Variants in HMCN1 observed in about 807,000 individuals in gnomAD.
HMCN1 encodes the protein hemicentin 1.
HMCN1 carries 321 observed loss-of-function variants against 625.9 expected under a neutral mutation model. That is an observed-to-expected ratio of 0.51 (90% CI 0.47 to 0.56). The LOEUF (loss-of-function observed/expected upper bound fraction) is 0.56. Among genes scored for constraint, HMCN1 ranks in the 20% least tolerant of loss-of-function variants. The pLI, the probability that HMCN1 is intolerant of heterozygous loss-of-function variation, is 0.00. For missense variants in HMCN1, 6,588 were observed against 6,887.3 expected (o/e 0.96, Z 1.54); for synonymous variants, 2,425 against 2,417.6 (o/e 1.00, Z -0.09).
chr1:185,867,525 C>T (rs1663333889), intron 4 of HMCN1, among the ~76,000 whole-genome samples: 1 of 152,150 alleles, frequency 6.6e-6, no homozygotes, highest in Non-Finnish European at 1.5e-5. Context: ...GAATAGCATT[C>T]TCTCTTACAT....
intron 11 of HMCN1, among the ~76,000 whole-genome samples, chr1:185,949,097 G>T (rs528257583): frequency 1.3e-5 from 2 of 151,886 alleles, no homozygotes; most frequent in African/African-American, 4.9e-5. Context: ...TGCCTAAGGA[G>T]ATTCAGCATA....
intron 1 of HMCN1, among the ~76,000 whole-genome samples, chr1:185,845,202 A>G (rs1347837954): frequency 1.3e-5 from 2 of 152,156 alleles, no homozygotes; most frequent in Non-Finnish European, 2.9e-5. Flanking sequence ...GCAACTATAC[A>G]TCTCCAAATT....
At chr1:185,819,884 A>G (rs900367887) in intron 1 of HMCN1, among the ~76,000 whole-genome samples, 1 of 152,182 alleles carries the variant, frequency 6.6e-6, no homozygotes, top group Non-Finnish European at 1.5e-5. Context: ...TTTATTTTCC[A>G]TTTATTAATA....
Position 185,989,624 on chromosome 1 carries a change from G to A in HMCN1, c.3185G>A (p.Arg1062Lys). ...TATNTAGYAK[R>K]KVQLTVYVRP... ...ACCAATACAGCCGGCTACGCCAAAA[G>A]GAAAGTGCAGCTAACAGTCTATGGT... The change falls in exon 21 of 107, where the codon AGG becomes AAG. Residue 1062 changes from arginine (R) to lysine (K), a missense_variant. Physicochemically the swap from Arg to Lys is conservative, Grantham distance 26. Coordinates refer to ENST00000271588, the MANE Select transcript of HMCN1 (RefSeq NM_031935.3). The A allele has an allele frequency of 1.2e-6, 2 of 1,614,014 alleles. No homozygotes were observed. The highest frequency in any genetic ancestry group is 2.2e-5 in the East Asian group (1 of 44,848).
intron 44 of HMCN1, 101 bp from the exon 45 acceptor site, chr1:186,055,292 A>C (rs1657234636): frequency 9.5e-7 from 1 of 1,048,894 alleles, no homozygotes; most frequent in East Asian, 2.6e-5. Flanking sequence ...TTTATATTTT[A>C]ACATAAAAAT....
intron 82 of HMCN1, 99 bp from the exon 83 acceptor site, chr1:186,127,979 T>TA: frequency 2.0e-6 from 2 of 982,484 alleles, no homozygotes; most frequent in East Asian, 5.2e-5. Context: ...TGTCTTTGGA[T>TA]AAGAGAGTTT....
At chr1:185,895,122 C>T (rs866192771) in intron 4 of HMCN1, among the ~76,000 whole-genome samples, 3 of 152,080 alleles carry the variant, frequency 2.0e-5, no homozygotes, top group Admixed American at 6.5e-5. Context: ...CACATATTTA[C>T]AATTAATACT....
Position 186,130,560 on chromosome 1 carries a change from G to A in HMCN1, c.13093G>A (p.Gly4365Arg), listed in dbSNP as rs758519039. The change falls in exon 85 of 107, where the codon GGG becomes AGG. Residue 4365 changes from glycine to arginine, a missense_variant. By Grantham distance (125) the Gly-to-Arg change is moderately radical. This residue lies in a region of HMCN1 where 1,954 missense variants were observed against 2,013.1 expected (regional missense o/e 0.97). Transcript: ENST00000271588. The part of the protein sequence containing the change: ...YPSNWIEPLG[G>R]NAILNCEVKG... Reference sequence around the variant, plus strand: ...TTCTAACTGGATTGAACCACTTGGTGGGAATGCAATCCTGAATTGTGAGGT... The same window carrying A: ...TTCTAACTGGATTGAACCACTTGGTAGGAATGCAATCCTGAATTGTGAGGT... The A allele has an allele frequency of 6.2e-7, 1 of 1,613,560 alleles. No homozygotes were observed. Among genetic ancestry groups the A allele is most frequent in the South Asian group, 1.1e-5 (1 of 91,076 alleles).
intron 91 of HMCN1, 120 bp from the exon 92 acceptor site, chr1:186,145,283 A>G (rs759471444): frequency 8.4e-6 from 8 of 956,486 alleles, no homozygotes; most frequent in Admixed American, 2.9e-5. Flanking sequence ...ATAGACTTGC[A>G]TGTTTTGTTT....
chr1:186,128,080 G>A lies in HMCN1; in HGVS notation c.12693G>A (p.Leu4231=). 6.2e-7 allele frequency: 1 copy of A among 1,612,812 alleles called. No homozygotes were observed. Residue 4231 remains leucine, a splice_region_variant and synonymous_variant, in exon 83 of 107, where the codon CTG becomes CTA. Coordinates refer to ENST00000271588, the MANE Select transcript of HMCN1 (RefSeq NM_031935.3). Reference sequence around the variant, plus strand: ...AATGTTACTTTTTTTAATTTTAGCTGGAGGATTCTGGCTTCTATACCTGTG... The same window carrying A: ...AATGTTACTTTTTTTAATTTTAGCTAGAGGATTCTGGCTTCTATACCTGTG... ...YGELILENVV[L]EDSGFYTCVA...
intron 29 of HMCN1, among the ~76,000 whole-genome samples, 153 bp downstream of exon 29, chr1:186,003,997 G>C (rs1001681811): frequency 2.0e-5 from 3 of 152,120 alleles, no homozygotes; most frequent in African/African-American, 4.8e-5. Flanking sequence ...AAGCTAGTCT[G>C]AAAGTCTTGT....
intron 1 of HMCN1, among the ~76,000 whole-genome samples, chr1:185,771,517 G>A (rs1047306144): frequency 2.6e-5 from 4 of 152,068 alleles, no homozygotes; most frequent in Non-Finnish European, 4.4e-5. Context: ...CTGACTTTTT[G>A]TTATACCGCT....
At chr1:186,171,973 C>G (rs1234941214) in intron 101 of HMCN1, 33 bp from the exon 102 acceptor site, 3 of 1,603,574 alleles carry the variant, frequency 1.9e-6, no homozygotes, top group Admixed American at 1.7e-5. Flanking sequence ...AAATAATTTT[C>G]TTAATCTACA....
At position 186,062,499 on chromosome 1, in the gene HMCN1, G is replaced by T. The variant is rs1339019234; in HGVS notation, c.7427-15G>T. 6 of 1,507,380 alleles carry T rather than the reference G, an allele frequency of 4.0e-6. No individual in the cohort carries two copies. The highest frequency in any genetic ancestry group is 4.6e-6 in the Non-Finnish European group (5 of 1,083,382). 93.4% of individuals were successfully genotyped at this position (1,507,380 alleles called of 1,614,324 possible). A position where few individuals can be genotyped will look rare whatever the true frequency, so the allele number is the denominator to read the frequency against. On this transcript the variant is annotated splice_polypyrimidine_tract_variant and intron_variant, in intron 47 of 106. Coordinates refer to ENST00000271588, the MANE Select transcript of HMCN1 (RefSeq NM_031935.3). ...TGTTAAGAGCTGTTATTTTGTTGTT[G>T]TTGTTGTTTTTTAGTACCACCTCAT...
chr1:186,092,781 T>C (rs1659911038), intron 64 of HMCN1, among the ~76,000 whole-genome samples: 1 of 152,072 alleles, frequency 6.6e-6, no homozygotes, highest in South Asian at 2.1e-4. Context: ...TATAACTAGA[T>C]TTTTATGTGT....
intron 40 of HMCN1, among the ~76,000 whole-genome samples, chr1:186,043,018 T>C (rs961397555): frequency 5.9e-5 from 9 of 152,148 alleles, no homozygotes; most frequent in Non-Finnish European, 7.4e-5. Flanking sequence ...CCCTGAGATA[T>C]TGAAACAAGA....
chr1:186,076,711 T>A, intron 54 of HMCN1, 89 bp downstream of exon 54: 1 of 1,304,332 alleles, frequency 7.7e-7, no homozygotes, highest in Admixed American at 1.7e-5. Context: ...TGGTTGGGTC[T>A]CTGGCTAAGT....
chr1:186,169,418 A>G (rs1652082340), intron 100 of HMCN1, among the ~76,000 whole-genome samples: 1 of 152,222 alleles, frequency 6.6e-6, no homozygotes. Flanking sequence ...AGCTGGAGGC[A>G]TCACACTACC....
Position 185,962,521 on chromosome 1 carries a change from C to T in HMCN1, c.1832C>T (p.Pro611Leu). Residue 611 changes from proline to leucine, a missense_variant, in exon 12 of 107, where the codon CCA becomes CTA. Physicochemically the swap from Pro to Leu is moderately conservative, Grantham distance 98 (BLOSUM62 -3). Transcript: ENST00000271588. The part of the protein sequence containing the change: ...AASVFLTVQE[P>L]PKVTVMPKNQ... The stretch of plus-strand genomic sequence containing the variant: ...ATACGTATATTTTTATTTGCAGAAC[C>T]ACCCAAAGTCACTGTGATGCCCAAG... The T allele has an allele frequency of 1.2e-6, 2 of 1,612,964 alleles. No homozygotes were observed. Among genetic ancestry groups the T allele is most frequent in the Non-Finnish European group, 1.7e-6 (2 of 1,179,080 alleles).
Sources: allele counts gnomAD v4.1 joint callset (sites outside exome capture counted in the v4.1 genomes callset), GRCh38; gene constraint gnomAD v4.1.1; regional missense constraint gnomAD v4.1.1; transcripts MANE v1.5; gene names NCBI Gene and HGNC (gene_info 2026-07-23, HGNC 2026-07-21).